Variants in PCYT2 observed in about 807,000 individuals in gnomAD.
PCYT2 encodes the protein phosphate cytidylyltransferase 2, ethanolamine.
A neutral mutation model predicts 50.0 loss-of-function variants in PCYT2; 33 were observed. The ratio of observed to expected loss-of-function variants is 0.66; its 90% CI spans 0.50 to 0.88. The LOEUF (loss-of-function observed/expected upper bound fraction) is 0.88. Among genes scored for constraint, PCYT2 ranks in the 40% least tolerant of loss-of-function variants. The probability of loss-of-function intolerance (pLI) is 0.00; values close to 1 mark genes in which losing one functional copy is unlikely to be tolerated. For missense variants in PCYT2, 430 were observed against 519.7 expected, an observed-to-expected ratio of 0.83 and a Z score of 1.68; for synonymous variants, 240 against 203.7, an observed-to-expected ratio of 1.18 and a Z score of -1.52.
chr17:81,906,127 T>C lies in PCYT2; in HGVS notation c.810A>G (p.Glu270=), dbSNP rs764600916. 8.1e-6 allele frequency: 13 copies of C among 1,612,756 alleles called. No homozygotes were observed. Among genetic ancestry groups the C allele is most frequent in the African/African-American group, 5.3e-5 (4 of 74,884 alleles). The change falls in exon 9 of 13, where the codon GAA becomes GAG. Residue 270 remains glutamate (E), a synonymous_variant. Transcript: ENST00000538936. ...GKNYPIMNLH[E]RTLSVLACRY... The stretch of plus-strand genomic sequence containing the variant: ...GGCAGGCCAGCACGCTCAGAGTCCG[T>C]TCATGCAGATTCATGATGGGGTAGT...
At chr17:81,907,195 T>C in intron 6 of PCYT2, 1 of 1,528,570 alleles carries the variant, frequency 6.5e-7, no homozygotes, top group Non-Finnish European at 8.8e-7. Context: ...GAGACCACTG[T>C]CTGGTCACCT....
chr17:81,909,987 T>C (rs998992334), intron 1 of PCYT2, among the ~76,000 whole-genome samples: 13 of 152,190 alleles, frequency 8.5e-5, no homozygotes, highest in African/African-American at 3.1e-4. Context: ...ATGTTAACTC[T>C]TGGGGTAGGG....
chr17:81,907,470 T>C (rs1021137229), intron 6 of PCYT2, 84 bp downstream of exon 6: 1 of 1,457,486 alleles, frequency 6.9e-7, no homozygotes, highest in Non-Finnish European at 9.4e-7. Context: ...TGGGCTGGCC[T>C]TTCCCCAAGG....
rs1382875428 is a variant in PCYT2, at chr17:81,904,962, G to A, written c.1059-18C>T. ...ACTCCAACCTGAGAGGGCAGGGTAAGTCTAGCAGAGAGCGCCCATGAGGCG... is the reference window on the plus strand; with the variant it reads ...ACTCCAACCTGAGAGGGCAGGGTAAATCTAGCAGAGAGCGCCCATGAGGCG... On this transcript the variant is annotated intron_variant, in intron 12 of 12. Coordinates refer to ENST00000538936, the MANE Select transcript of PCYT2 (RefSeq NM_002861.5). 2.3e-5 allele frequency: 37 copies of A among 1,606,142 alleles called. No homozygotes were observed. The highest frequency in any genetic ancestry group is 3.1e-5 in the Non-Finnish European group (37 of 1,174,842).
Position 81,908,654 on chromosome 17 carries a change from G to A in PCYT2, c.341-20C>T, listed in dbSNP as rs1468100810. ...TGTCATCTAAGCAGTGACACACAAGGACAAGGATCCTTAACCCAAAGCCAC... is the reference window on the plus strand; with the variant it reads ...TGTCATCTAAGCAGTGACACACAAGAACAAGGATCCTTAACCCAAAGCCAC... On this transcript the variant is annotated intron_variant, in intron 3 of 12. Transcript: ENST00000538936. 1.2e-6 allele frequency: 2 copies of A among 1,604,308 alleles called. No individual in the cohort carries two copies. Among genetic ancestry groups the A allele is most frequent in the African/African-American group, 2.7e-5 (2 of 74,740 alleles).
rs542747177 is a variant in PCYT2, at chr17:81,907,181, C to T, written c.538-283G>A. 4.6e-6 allele frequency: 7 copies of T among 1,517,342 alleles called. No individual in the cohort carries two copies. The Admixed American group carries it at 6.1e-5, about 13-fold the overall frequency. 94.0% of individuals were successfully genotyped at this position (1,517,342 alleles called of 1,614,324 possible). On this transcript the variant is annotated intron_variant, in intron 6 of 12. Transcript: ENST00000538936. ...CACAGCCCTTGGGAGGGACCTGGTA[C>T]CCTGAGACCACTGTCTGGTCACCTG...
chr17:81,908,250 C>A (rs1422344391), intron 4 of PCYT2, among the ~76,000 whole-genome samples: 1 of 152,224 alleles, frequency 6.6e-6, no homozygotes, highest in African/African-American at 2.4e-5. Flanking sequence ...GGCCTCATGT[C>A]CCTGACGTCT....
chr17:81,911,188 C>T, intron 1 of PCYT2, 79 bp downstream of exon 1: 2 of 1,017,180 alleles, frequency 2.0e-6, no homozygotes, highest in Non-Finnish European at 1.2e-6. Flanking sequence ...GGGCCCGGTC[C>T]CCGGGCAACG....
intron 6 of PCYT2, chr17:81,907,272 A>G: frequency 6.5e-7 from 1 of 1,529,602 alleles, no homozygotes; most frequent in Non-Finnish European, 8.7e-7. Flanking sequence ...AATGGGAGAG[A>G]GGGCCAGGCC....
chr17:81,908,063 G>A (rs1047324677), intron 4 of PCYT2, among the ~76,000 whole-genome samples: 1 of 152,212 alleles, frequency 6.6e-6, no homozygotes, highest in African/African-American at 2.4e-5. Context: ...ATTGACTGAA[G>A]GGAGTGGCAG....
chr17:81,905,442 G>T lies in PCYT2; in HGVS notation c.909C>A (p.Asp303Glu). 4 of 1,565,874 alleles carry T rather than the reference G, an allele frequency of 2.6e-6. No homozygotes were observed. Among genetic ancestry groups the T allele is most frequent in the Non-Finnish European group, 3.5e-6 (4 of 1,155,198 alleles). ...TTTCTGTCTTGCCGTGACACACCAGGTCCACCTGGAGAAGGAGTGGGGTCA... is the reference window on the plus strand; with the variant it reads ...TTTCTGTCTTGCCGTGACACACCAGTTCCACCTGGAGAAGGAGTGGGGTCA... ...TAELLSHFKVDLVCHGKTEII... is the reference protein window; with the variant it reads ...TAELLSHFKVELVCHGKTEII... Residue 303 changes from aspartate (D) to glutamate (E), a missense_variant, in exon 11 of 13, where the codon GAC becomes GAA. Asp to Glu is a conservative substitution (Grantham distance 45). Around this residue, in one of 4 missense-constraint regions of PCYT2, gnomAD observed 248 missense variants for 300.2 expected, o/e 0.83. Transcript: ENST00000538936.
At chr17:81,906,067 C>T (rs1027293998) in intron 9 of PCYT2, 33 bp downstream of exon 9, 5 of 1,578,430 alleles carry the variant, frequency 3.2e-6, no homozygotes, top group African/African-American at 1.3e-5. Flanking sequence ...GAATGTCTCC[C>T]CATCCTTGGG....
rs368758722 is a variant in PCYT2 at position 81,905,123 on chromosome 17, A to G, written c.1001T>C (p.Ile334Thr). ...EPKRRGIFRQ[I>T]DSGSNLTTDL... The stretch of plus-strand genomic sequence containing the variant: ...TGTGGTGAGGTTGCTGCCACTGTCA[A>G]TCTGACGGAAGATGCCCCTTCTCTT... The change falls in exon 12 of 13, where the codon ATT becomes ACT. Residue 334 changes from isoleucine (I) to threonine (T), a missense_variant. By Grantham distance (89) the Ile-to-Thr change is moderately conservative. Around this residue, in one of 4 missense-constraint regions of PCYT2, gnomAD observed 248 missense variants for 300.2 expected, o/e 0.83. Transcript: ENST00000538936. 5 of 1,613,390 alleles carry G rather than the reference A, an allele frequency of 3.1e-6. No homozygotes were observed. The highest frequency in any genetic ancestry group is 2.2e-5 in the South Asian group (2 of 91,032).
At chr17:81,909,420 G>A in intron 2 of PCYT2, 94 bp downstream of exon 2, 1 of 1,480,844 alleles carries the variant, frequency 6.8e-7, no homozygotes. Flanking sequence ...CTGTGCCCTG[G>A]CAAGGTGGCC....
In PCYT2 at chr17:81,902,811, A is replaced by G. The variant is rs2040014986; in HGVS notation, c.*2022T>C. The G allele has an allele frequency of 1.4e-6, 2 of 1,471,880 alleles. No homozygotes were observed. Among genetic ancestry groups the G allele is most frequent in the Non-Finnish European group, 1.8e-6 (2 of 1,102,490 alleles). 91.2% of individuals were successfully genotyped at this position (1,471,880 alleles called of 1,614,324 possible). A position where few individuals can be genotyped will look rare whatever the true frequency, so the allele number is the denominator to read the frequency against. On this transcript the variant is annotated 3_prime_UTR_variant, in exon 13 of 13. Coordinates refer to ENST00000538936, the MANE Select transcript of PCYT2 (RefSeq NM_002861.5). ...CCCCACCGTCCCACTCGGTGACCCC[A>G]GGCCCCTCCGGCGCGGGATGGCGCC...
intron 6 of PCYT2, chr17:81,907,117 G>T: frequency 8.1e-7 from 1 of 1,230,058 alleles, no homozygotes; most frequent in South Asian, 1.5e-5. Flanking sequence ...CCCAGCAAGC[G>T]ACCACCAGGA....
intron 9 of PCYT2, 77 bp from the exon 10 acceptor site, chr17:81,905,812 C>A: frequency 6.8e-7 from 1 of 1,461,278 alleles, no homozygotes; most frequent in South Asian, 1.1e-5. Context: ...TGGTGAGAGA[C>A]GGCTCAGACA....
chr17:81,902,335 C>A lies in PCYT2; in HGVS notation c.*2498G>T. On this transcript the variant is annotated 3_prime_UTR_variant, in exon 13 of 13. Coordinates refer to ENST00000538936, the MANE Select transcript of PCYT2 (RefSeq NM_002861.5). ...CCTGGCGCTGTGCCTGCTGCTGGCG[C>A]CGCCTGGCCTCGCGTGGTACAAGCC... 1 of 1,340,678 alleles carries A rather than the reference C, an allele frequency of 7.5e-7. No individual in the cohort carries two copies. 83.0% of individuals were successfully genotyped at this position (1,340,678 alleles called of 1,614,324 possible). A position where few individuals can be genotyped will look rare whatever the true frequency, so the allele number is the denominator to read the frequency against.
chr17:81,904,552 G>A lies in PCYT2; in HGVS notation c.*281C>T, dbSNP rs1287505074. On this transcript the variant is annotated 3_prime_UTR_variant, in exon 13 of 13. Transcript: ENST00000538936. Reference sequence around the variant, plus strand: ...GTGGGGGCATCCGGGGACCAGGTGGGGGCGCACGCAGGAGCGGTGCGTTTC... The same window carrying A: ...GTGGGGGCATCCGGGGACCAGGTGGAGGCGCACGCAGGAGCGGTGCGTTTC... The A allele has an allele frequency of 1.2e-5, 5 of 427,950 alleles. No individual in the cohort carries two copies. The East Asian group carries it at 1.2e-4, about 10-fold the overall frequency. 26.5% of individuals were successfully genotyped at this position (427,950 alleles called of 1,614,324 possible).
Sources: allele counts gnomAD v4.1 joint callset (sites outside exome capture counted in the v4.1 genomes callset), GRCh38; gene constraint gnomAD v4.1.1; regional missense constraint gnomAD v4.1.1; transcripts MANE v1.5; gene names NCBI Gene and HGNC (gene_info 2026-07-23, HGNC 2026-07-21).